Variants in NVL observed in about 807,000 individuals in gnomAD.
NVL encodes the protein nuclear valosin-containing protein-like.
NVL carries 84 observed loss-of-function variants against 110.2 expected under a neutral mutation model. The ratio of observed to expected loss-of-function variants is 0.76; its 90% CI spans 0.64 to 0.91. The LOEUF (loss-of-function observed/expected upper bound fraction) is 0.91, where lower values mean the gene tolerates loss of function less well. Among genes scored for constraint, NVL ranks in the 40% least tolerant of loss-of-function variants. The pLI, the probability that NVL is intolerant of heterozygous loss-of-function variation, is 0.00. For synonymous variants in NVL, 354 were observed against 361.1 expected, an observed-to-expected ratio of 0.98 and a Z score of 0.22; for missense variants, 882 against 1,035.9, an observed-to-expected ratio of 0.85 and a Z score of 2.04.
chr1:224,295,601 C>G (rs1667800457), intron 11 of NVL, among the ~76,000 whole-genome samples: 1 of 151,898 alleles, frequency 6.6e-6, no homozygotes, highest in South Asian at 2.1e-4. Context: ...AAAACAGAAT[C>G]CCAGCACTTC....
chr1:224,286,533 G>C (rs952600076), intron 14 of NVL, among the ~76,000 whole-genome samples: 2 of 152,066 alleles, frequency 1.3e-5, no homozygotes, highest in Non-Finnish European at 2.9e-5. Flanking sequence ...ACATGACTGT[G>C]AGGCCTGAAG....
intron 12 of NVL, among the ~76,000 whole-genome samples, chr1:224,290,663 G>A (rs552866141): frequency 4.6e-5 from 7 of 151,902 alleles, no homozygotes; most frequent in African/African-American, 9.7e-5. Flanking sequence ...TTAGCTGGGC[G>A]TGGTGGCGGG....
intron 11 of NVL, among the ~76,000 whole-genome samples, chr1:224,296,287 C>G (rs185584908): frequency 1.3e-5 from 2 of 152,138 alleles, no homozygotes; most frequent in East Asian, 3.9e-4. Context: ...GCTATGTTGC[C>G]CAGGCTGGCC....
chr1:224,317,686 A>G lies in NVL; in HGVS notation c.284+8T>C. 1 of 1,503,242 alleles carries G rather than the reference A, an allele frequency of 6.7e-7. No individual in the cohort carries two copies. The highest frequency in any genetic ancestry group is 9.2e-7 in the Non-Finnish European group (1 of 1,083,516). The allele number at this position is 1,503,242 out of a possible 1,614,324, so 93.1% of individuals were successfully genotyped here. ...GGTTTAAAAAAACCCTGCATTTGGT[A>G]TACTTACTCATTATCCTCTTCACCT... is the stretch of plus-strand genomic sequence containing the variant. On this transcript the variant is annotated splice_region_variant and intron_variant, in intron 4 of 22. Transcript: ENST00000281701.
At chr1:224,275,711 CTT>C (rs368567541) in intron 16 of NVL, among the ~76,000 whole-genome samples, 1 of 152,256 alleles carries the variant, frequency 6.6e-6, no homozygotes, top group Non-Finnish European at 1.5e-5. Context: ...AAAATGAAGA[CTT>C]AAGTGAAACG....
intron 18 of NVL, among the ~76,000 whole-genome samples, chr1:224,263,562 C>T (rs1237412786): frequency 6.6e-6 from 1 of 152,166 alleles, no homozygotes; most frequent in Non-Finnish European, 1.5e-5. Flanking sequence ...ATAGGTAAAA[C>T]AATCTAACAA....
chr1:224,235,526 C>T (rs1660363371), intron 20 of NVL, among the ~76,000 whole-genome samples: 1 of 152,010 alleles, frequency 6.6e-6, no homozygotes, highest in Non-Finnish European at 1.5e-5. Flanking sequence ...GAGGCACATC[C>T]TATTTAAGGG....
intron 18 of NVL, among the ~76,000 whole-genome samples, chr1:224,265,702 T>C (rs1421268328): frequency 6.6e-6 from 1 of 152,166 alleles, no homozygotes; most frequent in East Asian, 1.9e-4. Flanking sequence ...GATTAGGTCA[T>C]GAGGGCTCTG....
At chr1:224,256,146 C>T (rs1663200069) in intron 18 of NVL, among the ~76,000 whole-genome samples, 1 of 152,024 alleles carries the variant, frequency 6.6e-6, no homozygotes, top group African/African-American at 2.4e-5. Context: ...AAATACATGC[C>T]AGGCATGGTG....
At chr1:224,308,954 G>T (rs1255226035) in intron 5 of NVL, among the ~76,000 whole-genome samples, 1 of 148,948 alleles carries the variant, frequency 6.7e-6, no homozygotes, top group African/African-American at 2.5e-5. Flanking sequence ...CCAGCTACTC[G>T]GGAGGCTGAG....
At chr1:224,317,537 T>G (rs1670209792) in intron 4 of NVL, among the ~76,000 whole-genome samples, 157 bp downstream of exon 4, 2 of 152,220 alleles carry the variant, frequency 1.3e-5, no homozygotes, top group Non-Finnish European at 2.9e-5. Flanking sequence ...GAATTTGATC[T>G]CTTTGGGGAA....
rs1486638430 is a variant in NVL at position 224,250,132 on chromosome 1, C to T, written c.2289+80G>A. ...TACAGAAAAGAAAGTAATCAGTCAA[C>T]GAAAATTACTACCTCTTATAACTGT... On this transcript the variant is annotated intron_variant, in intron 19 of 22. Coordinates refer to ENST00000281701, the MANE Select transcript of NVL (RefSeq NM_002533.4). 34 of 1,454,972 alleles carry T rather than the reference C, an allele frequency of 2.3e-5. No homozygotes were observed. The East Asian group carries it at 2.8e-4, about 12-fold the overall frequency. 90.1% of individuals were successfully genotyped at this position (1,454,972 alleles called of 1,614,324 possible). A position where few individuals can be genotyped will look rare whatever the true frequency, so the allele number is the denominator to read the frequency against.
intron 11 of NVL, 60 bp from the exon 12 acceptor site, chr1:224,294,471 T>C: frequency 6.5e-7 from 1 of 1,537,850 alleles, no homozygotes; most frequent in Non-Finnish European, 9.0e-7. Context: ...GCAATAATGG[T>C]TACAGAATCA....
At chr1:224,276,916 ACATAAAACTAGTTTTATGAC>A in intron 16 of NVL, among the ~76,000 whole-genome samples, 1 of 7,074 alleles carries the variant, frequency 1.4e-4, no homozygotes, top group Non-Finnish European at 3.1e-4. Flanking sequence ...GGACTTTGAC[ACATAAAACTAGTTTTATGAC>A]ACATAAAACT....
chr1:224,257,667 A>G (rs1441091590), intron 18 of NVL, among the ~76,000 whole-genome samples: 1 of 152,152 alleles, frequency 6.6e-6, no homozygotes, highest in Non-Finnish European at 1.5e-5. Context: ...AGCTAAGACT[A>G]CAGGCATGCA....
chr1:224,275,967 C>A (rs772622843), intron 16 of NVL, among the ~76,000 whole-genome samples: 29 of 152,128 alleles, frequency 1.9e-4, no homozygotes, highest in Non-Finnish European at 3.8e-4. Context: ...AGGCACTTAA[C>A]AGGTTTCATA....
At chr1:224,242,511 G>A (rs1259155590) in intron 19 of NVL, among the ~76,000 whole-genome samples, 10 of 118,200 alleles carry the variant, frequency 8.5e-5, no homozygotes, top group Non-Finnish European at 1.3e-4. Context: ...TTTTTGAGAC[G>A]GAGTCTCACT....
rs1659311134 is a variant in NVL, at chr1:224,227,466, G to T, written c.*160C>A. On this transcript the variant is annotated 3_prime_UTR_variant, in exon 23 of 23. Coordinates refer to ENST00000281701, the MANE Select transcript of NVL (RefSeq NM_002533.4). ...TCACACAAGGCTGGCCAGATGGGAA[G>T]AATCTTCAGCTTCAGCTTCAGCTTG... is the stretch of plus-strand genomic sequence containing the variant. The T allele has an allele frequency of 2.1e-6, 1 of 480,826 alleles. No individual in the cohort carries two copies. Among genetic ancestry groups the T allele is most frequent in the African/African-American group, 2.0e-5 (1 of 50,184 alleles). 29.8% of individuals were successfully genotyped at this position (480,826 alleles called of 1,614,324 possible). A position where few individuals can be genotyped will look rare whatever the true frequency, so the allele number is the denominator to read the frequency against.
chr1:224,279,861 A>T (rs1666143379), intron 16 of NVL, among the ~76,000 whole-genome samples: 1 of 152,188 alleles, frequency 6.6e-6, no homozygotes. Context: ...TACATTAAAA[A>T]TTTTTTTGGT....
Sources: allele counts gnomAD v4.1 joint callset (sites outside exome capture counted in the v4.1 genomes callset), GRCh38; gene constraint gnomAD v4.1.1; transcripts MANE v1.5; gene names NCBI Gene and HGNC (gene_info 2026-07-23, HGNC 2026-07-21).